CAMK2B: variants seen among roughly 807,000 people sequenced by gnomAD.
CAMK2B encodes the protein calcium/calmodulin dependent protein kinase II beta.
In CAMK2B, 27 loss-of-function variants were observed where a neutral mutation model predicts 93.7. That is an observed-to-expected ratio of 0.29 (90% CI 0.21 to 0.40). The LOEUF (loss-of-function observed/expected upper bound fraction) is 0.40, where lower values mean the gene tolerates loss of function less well. CAMK2B is among the 10% of genes least tolerant of loss of function. CAMK2B has a pLI of 1.00. For missense variants in CAMK2B, 568 were observed against 895.8 expected (o/e 0.63, Z 4.67); for synonymous variants, 374 against 358.8 (o/e 1.04, Z -0.48).
intron 2 of CAMK2B, among the ~76,000 whole-genome samples, chr7:44,277,748 C>T (rs1195447213): frequency 6.6e-6 from 1 of 151,536 alleles, no homozygotes; most frequent in Non-Finnish European, 1.5e-5. Flanking sequence ...CCCCATCCCC[C>T]ACCTCCCTGA....
At position 44,256,618 on chromosome 7, in the gene CAMK2B, A is replaced by G. The variant is rs145580023; in HGVS notation, c.276-2011T>C. On this transcript the variant is annotated intron_variant, in intron 4 of 23. Transcript: ENST00000395749. ...GCCTGGCATGCCCCAGTGTTGTGCT[A>G]TAACTGTTTAGGTCTTGGCACACAC... Among the ~76,000 whole-genome samples, 39 of 152,366 alleles carry G rather than the reference A, an allele frequency of 2.6e-4. No homozygotes were observed. In the East Asian group the frequency reaches 3.3e-3, roughly 13 times the overall value.
At chr7:44,320,313 T>C (rs1795778920) in intron 1 of CAMK2B, among the ~76,000 whole-genome samples, 1 of 152,058 alleles carries the variant, frequency 6.6e-6, no homozygotes, top group South Asian at 2.1e-4. Context: ...CCCAAAAGCC[T>C]CAGGTCAGAG....
intron 20 of CAMK2B, among the ~76,000 whole-genome samples, chr7:44,221,884 G>C (rs533082825): frequency 6.6e-6 from 1 of 152,176 alleles, no homozygotes; most frequent in African/African-American, 2.4e-5. Flanking sequence ...CACACTCTAC[G>C]GATTCAAATC....
chr7:44,263,273 G>A (rs1372852610), intron 2 of CAMK2B, among the ~76,000 whole-genome samples: 2 of 152,252 alleles, frequency 1.3e-5, no homozygotes, highest in Non-Finnish European at 2.9e-5. Flanking sequence ...TGTTTGGGAT[G>A]GGTGGAGAGG....
chr7:44,226,188 G>A (rs1026541673), intron 20 of CAMK2B, among the ~76,000 whole-genome samples: 3 of 152,178 alleles, frequency 2.0e-5, no homozygotes, highest in African/African-American at 4.8e-5. Flanking sequence ...CTTGCCACAC[G>A]CGCAGACCCT....
intron 13 of CAMK2B, among the ~76,000 whole-genome samples, chr7:44,236,555 G>A (rs552751809): frequency 3.2e-4 from 48 of 152,276 alleles, no homozygotes; most frequent in African/African-American, 1.0e-3. Flanking sequence ...GACCAGAAAT[G>A]CCGACTGCCC....
chr7:44,256,337 G>A (rs1346960756), intron 4 of CAMK2B, among the ~76,000 whole-genome samples: 1 of 151,852 alleles, frequency 6.6e-6, no homozygotes, highest in Non-Finnish European at 1.5e-5. Context: ...ACTGGCTTGT[G>A]CATGTGAGCA....
intron 3 of CAMK2B, among the ~76,000 whole-genome samples, chr7:44,262,428 C>T (rs907435445): frequency 1.3e-5 from 2 of 152,238 alleles, no homozygotes; most frequent in African/African-American, 4.8e-5. Context: ...TGACCCCAGA[C>T]TGTAGTTCCA....
Position 44,229,486 on chromosome 7 carries a change from TC to T in CAMK2B, c.1240del (p.Asp414ThrfsTer3), listed in dbSNP as rs759253391. On this transcript the variant is annotated frameshift_variant, in exon 18 of 24. Transcript: ENST00000395749. LOFTEE classifies it high-confidence loss of function. ...DEDAKAPRVP[D>X]ILSSVRRGSG... ...GCCCCTCCTCACTGAGCTCAGGATG[TC>T]GGGGACCCTGGGGGCTGAGGCGGAA... 6.9e-7 allele frequency: 1 copy of T among 1,442,062 alleles called. No homozygotes were observed. The highest frequency in any genetic ancestry group is 9.1e-7 in the Non-Finnish European group (1 of 1,096,368). The allele number at this position is 1,442,062 out of a possible 1,614,324, so 89.3% of individuals were successfully genotyped here. A position where few individuals can be genotyped will look rare whatever the true frequency, so the allele number is the denominator to read the frequency against.
Position 44,232,815 on chromosome 7 carries a change from G to A in CAMK2B, c.1176+7C>T. 6.2e-7 allele frequency: 1 copy of A among 1,613,794 alleles called. No homozygotes were observed. The highest frequency in any genetic ancestry group is 8.5e-7 in the Non-Finnish European group (1 of 1,179,704). On this transcript the variant is annotated splice_region_variant and intron_variant, in intron 16 of 23. Transcript: ENST00000395749. ...GGGAAAGCGGGAGGAGGAAAGTGGG[G>A]CAGTACCTTAATCCCGTCCACTGGG...
At chr7:44,317,008 AT>A (rs1584937403) in intron 1 of CAMK2B, among the ~76,000 whole-genome samples, 1 of 151,922 alleles carries the variant, frequency 6.6e-6, no homozygotes, top group Admixed American at 6.6e-5. Flanking sequence ...CTATCATATA[AT>A]TTTTTTAGTA....
chr7:44,273,957 G>A (rs973903149), intron 2 of CAMK2B, among the ~76,000 whole-genome samples: 1 of 152,294 alleles, frequency 6.6e-6, no homozygotes, highest in Admixed American at 6.5e-5. Context: ...AGGTATTGAG[G>A]AGAAAGAACA....
chr7:44,242,392 G>A, intron 9 of CAMK2B, 52 bp from the exon 10 acceptor site: 1 of 1,592,296 alleles, frequency 6.3e-7, no homozygotes. Flanking sequence ...TCTCAGGCAG[G>A]GGCAAGAATT....
chr7:44,275,523 T>C (rs1418442350), intron 2 of CAMK2B, among the ~76,000 whole-genome samples: 1 of 152,258 alleles, frequency 6.6e-6, no homozygotes, highest in East Asian at 1.9e-4. Context: ...TGGCTGAGCA[T>C]TGCCAGATAA....
chr7:44,299,532 T>A (rs1789300156), intron 1 of CAMK2B, among the ~76,000 whole-genome samples: 1 of 152,154 alleles, frequency 6.6e-6, no homozygotes, highest in South Asian at 2.1e-4. Flanking sequence ...AATAGTAAAA[T>A]TTTTATGTAT....
intron 5 of CAMK2B, among the ~76,000 whole-genome samples, chr7:44,250,547 T>C (rs968132230): frequency 1.5e-5 from 2 of 136,528 alleles, no homozygotes; most frequent in Non-Finnish European, 3.2e-5. Flanking sequence ...TTTTTTTTTT[T>C]GAGATGGAGT....
intron 14 of CAMK2B, 77 bp from the exon 15 acceptor site, chr7:44,234,538 G>T: frequency 1.3e-6 from 2 of 1,586,664 alleles, no homozygotes; most frequent in Non-Finnish European, 1.7e-6. Flanking sequence ...GTCTCTCAGG[G>T]CATGGGGGGA....
intron 1 of CAMK2B, among the ~76,000 whole-genome samples, chr7:44,307,289 G>A: frequency 7.2e-6 from 1 of 138,002 alleles, no homozygotes; most frequent in Non-Finnish European, 1.6e-5. Context: ...TGTGAGCAGA[G>A]GGAAGAGGGT....
intron 2 of CAMK2B, among the ~76,000 whole-genome samples, chr7:44,273,037 T>C (rs2096989290): frequency 6.6e-6 from 1 of 152,214 alleles, no homozygotes; most frequent in African/African-American, 2.4e-5. Context: ...CTGAACAGCC[T>C]AGCTTCATGT....
Sources: allele counts gnomAD v4.1 joint callset (sites outside exome capture counted in the v4.1 genomes callset), GRCh38; gene constraint gnomAD v4.1.1; transcripts MANE v1.5; gene names NCBI Gene and HGNC (gene_info 2026-07-23, HGNC 2026-07-21).